Variants in CA5A observed in about 807,000 individuals in gnomAD.
CA5A encodes the protein carbonic anhydrase 5A, mitochondrial.
Under a neutral mutation model 37.1 loss-of-function variants are expected in CA5A, and 28 were observed. That is an observed-to-expected ratio of 0.75 (90% CI 0.56 to 1.03). The LOEUF (loss-of-function observed/expected upper bound fraction) is 1.03, where lower values mean the gene tolerates loss of function less well. Ranked by LOEUF, CA5A falls within the 50% of genes least tolerant of loss-of-function variation. CA5A has a pLI of 0.00. For missense variants in CA5A, 444 were observed against 399.9 expected, an observed-to-expected ratio of 1.11 and a Z score of -0.94; for synonymous variants, 171 against 158.4, an observed-to-expected ratio of 1.08 and a Z score of -0.60.
intron 2 of CA5A, among the ~76,000 whole-genome samples, chr16:87,906,947 T>C (rs1307231838): frequency 6.6e-6 from 1 of 152,166 alleles, no homozygotes; most frequent in African/African-American, 2.4e-5. Context: ...CCAGGCACAG[T>C]GGCTCACGCC....
intron 3 of CA5A, among the ~76,000 whole-genome samples, chr16:87,904,235 G>A (rs1000910807): frequency 2.0e-4 from 31 of 151,924 alleles, no homozygotes; most frequent in African/African-American, 5.8e-4. Flanking sequence ...CCAGCTACTC[G>A]GGAGGCTGAG....
intron 5 of CA5A, among the ~76,000 whole-genome samples, chr16:87,899,291 A>C (rs1399927777): frequency 7.3e-6 from 1 of 137,098 alleles, no homozygotes; most frequent in Non-Finnish European, 1.5e-5. Flanking sequence ...TTACCTCCTA[A>C]GGTCTTTTTT....
In CA5A at chr16:87,890,371, G is replaced by A. The variant is rs552536172; in HGVS notation, c.774+1428C>T. On this transcript the variant is annotated intron_variant, in intron 6 of 6. Coordinates refer to ENST00000649794, the MANE Select transcript of CA5A (RefSeq NM_001739.2). ...GCCACCTTCAACAAAAGCCTTCCCC[G>A]TTTGTATATAAGGGAATATTTTCAC... Among the ~76,000 whole-genome samples the A allele has an allele frequency of 5.9e-5, 9 of 152,048 alleles. No homozygotes were observed. The East Asian group carries it at 1.3e-3, about 23-fold the overall frequency.
intron 2 of CA5A, among the ~76,000 whole-genome samples, chr16:87,915,618 G>A (rs1168240885): frequency 7.2e-6 from 1 of 138,052 alleles, no homozygotes. Flanking sequence ...GAGCTCAGGA[G>A]GTCGAGGCTG....
chr16:87,917,375 CAGTGGCTCCCCAGTGGCTGAATCTCT>C (rs1223592403), intron 2 of CA5A, among the ~76,000 whole-genome samples: 3 of 152,238 alleles, frequency 2.0e-5, no homozygotes, highest in Non-Finnish European at 4.4e-5. Context: ...AGAACAGGAA[CAGTGGCTCCCCAGTGGCTGAATCTCT>C]AACAGGTAAA....
At chr16:87,924,426 G>C in intron 2 of CA5A, 1 of 579,274 alleles carries the variant, frequency 1.7e-6, no homozygotes, top group Non-Finnish European at 2.2e-6. Context: ...AAGCTCTCAC[G>C]CCCTGCCCCC....
rs2055662840 is a variant in CA5A at position 87,888,049 on chromosome 16, T to C, written c.*80A>G. On this transcript the variant is annotated 3_prime_UTR_variant, in exon 7 of 7. Coordinates refer to ENST00000649794, the MANE Select transcript of CA5A (RefSeq NM_001739.2). ...TCTCTTTTTAATTTCAGAAGTCATGTACAATCACATTGTGAAACTTGGGAA... is the reference window on the plus strand; with the variant it reads ...TCTCTTTTTAATTTCAGAAGTCATGCACAATCACATTGTGAAACTTGGGAA... The C allele has an allele frequency of 6.6e-7, 1 of 1,512,750 alleles. No individual in the cohort carries two copies. The highest frequency in any genetic ancestry group is 8.9e-7 in the Non-Finnish European group (1 of 1,127,098). 93.7% of individuals were successfully genotyped at this position (1,512,750 alleles called of 1,614,324 possible). A position where few individuals can be genotyped will look rare whatever the true frequency, so the allele number is the denominator to read the frequency against.
chr16:87,924,039 A>T (rs140623366), intron 2 of CA5A: 17,117 of 985,440 alleles, frequency 0.017, 181 homozygotes, highest in Non-Finnish European at 0.019. Context: ...ACAGACCAAC[A>T]AGGGGAGAAA....
intron 5 of CA5A, among the ~76,000 whole-genome samples, chr16:87,897,402 G>A (rs1181261319): frequency 6.6e-6 from 1 of 151,846 alleles, no homozygotes; most frequent in East Asian, 1.9e-4. Context: ...CTCCATTCTG[G>A]AATTGTCTGC....
intron 5 of CA5A, among the ~76,000 whole-genome samples, chr16:87,896,739 C>G (rs973652881): frequency 4.5e-4 from 68 of 152,366 alleles, no homozygotes; most frequent in African/African-American, 1.6e-3. Flanking sequence ...CGCCCAGGTT[C>G]AAGCGATTCT....
At chr16:87,891,397 G>A (rs188814118) in intron 6 of CA5A, among the ~76,000 whole-genome samples, 73 of 151,892 alleles carry the variant, frequency 4.8e-4, no homozygotes, top group African/African-American at 1.7e-3. Flanking sequence ...GAACCCAGGA[G>A]GTGGAGGTTG....
intron 2 of CA5A, among the ~76,000 whole-genome samples, chr16:87,918,250 G>C (rs2056182192): frequency 6.6e-6 from 1 of 152,212 alleles, no homozygotes; most frequent in Non-Finnish European, 1.5e-5. Flanking sequence ...CAATGAGCTG[G>C]GCCCTCCCGC....
intron 3 of CA5A, among the ~76,000 whole-genome samples, chr16:87,903,161 G>A (rs2055905728): frequency 2.0e-5 from 3 of 152,116 alleles, no homozygotes; most frequent in South Asian, 2.1e-4. Context: ...GGCTGGGCGC[G>A]GTGGCTCACG....
At chr16:87,917,662 T>C (rs567109868) in intron 2 of CA5A, among the ~76,000 whole-genome samples, 21 of 96,588 alleles carry the variant, frequency 2.2e-4, no homozygotes, top group African/African-American at 5.1e-4. Context: ...CACGTGCACA[T>C]AGAGACACAT....
intron 5 of CA5A, among the ~76,000 whole-genome samples, chr16:87,895,591 G>A (rs955766324): frequency 2.0e-5 from 3 of 152,078 alleles, no homozygotes; most frequent in Admixed American, 6.6e-5. Context: ...AATAAAAATT[G>A]AAGGGTACAG....
At chr16:87,891,137 A>C (rs560812014) in intron 6 of CA5A, among the ~76,000 whole-genome samples, 1 of 136,028 alleles carries the variant, frequency 7.4e-6, no homozygotes, top group East Asian at 2.0e-4. Flanking sequence ...TTATTAATTA[A>C]TTTTCGAAAA....
chr16:87,898,283 C>T (rs577929292), intron 5 of CA5A, among the ~76,000 whole-genome samples: 241 of 152,314 alleles, frequency 1.6e-3, no homozygotes, highest in African/African-American at 5.5e-3. Context: ...CAGGTGAGCC[C>T]GTCCCTGGGT....
chr16:87,917,716 AACACGTGCAC>A (rs2056170492), intron 2 of CA5A, among the ~76,000 whole-genome samples: 2 of 64,754 alleles, frequency 3.1e-5, no homozygotes, highest in Admixed American at 2.7e-4. Flanking sequence ...CACACACATG[AACACGTGCAC>A]ACACACATGA....
At chr16:87,889,058 T>G (rs919340317) in intron 6 of CA5A, among the ~76,000 whole-genome samples, 1 of 152,140 alleles carries the variant, frequency 6.6e-6, no homozygotes, top group Non-Finnish European at 1.5e-5. Context: ...TAGCTGGGCT[T>G]ACAGGCATGC....
Sources: gnomAD v4.1 joint callset for allele counts (sites outside exome capture counted in the v4.1 genomes callset) on GRCh38, gnomAD v4.1.1 for gene constraint, MANE v1.5 for transcripts, NCBI Gene and HGNC (gene_info 2026-07-23, HGNC 2026-07-21) for gene names.